Variants in ASAH2 observed in about 807,000 individuals in gnomAD.
The protein encoded by ASAH2 is N-acylsphingosine amidohydrolase 2, also known as neutral ceramidase.
In ASAH2, 58 loss-of-function variants were observed where a neutral mutation model predicts 82.9. The ratio of observed to expected loss-of-function variants is 0.70; its 90% CI spans 0.57 to 0.87. The LOEUF is 0.87. Ranked by LOEUF, ASAH2 falls within the 40% of genes least tolerant of loss-of-function variation. The pLI is 0.00. For missense variants in ASAH2, 779 were observed against 834.0 expected (o/e 0.93, Z 0.81); for synonymous variants, 276 against 289.7 (o/e 0.95, Z 0.48).
At chr10:50,244,504 T>G (rs1057179287) in intron 3 of ASAH2, among the ~76,000 whole-genome samples, 1 of 152,152 alleles carries the variant, frequency 6.6e-6, no homozygotes, top group African/African-American at 2.4e-5. Context: ...AAAGATTACT[T>G]GGAGGGAGGG....
intron 8 of ASAH2, 38 bp downstream of exon 8, chr10:50,218,472 T>G (rs1845666107): frequency 2.5e-6 from 4 of 1,613,438 alleles, no homozygotes; most frequent in Non-Finnish European, 3.4e-6. Context: ...TGACACTCAG[T>G]GAATCAAGAT....
chr10:50,200,755 G>A (rs1047284646), intron 16 of ASAH2, among the ~76,000 whole-genome samples: 13 of 152,008 alleles, frequency 8.6e-5, no homozygotes, highest in Admixed American at 8.5e-4. Context: ...CATATCTGTT[G>A]AATGAATGAA....
intron 8 of ASAH2, among the ~76,000 whole-genome samples, chr10:50,216,036 T>A (rs1245794862): frequency 1.3e-5 from 2 of 151,882 alleles, no homozygotes; most frequent in Admixed American, 1.3e-4. Context: ...CTGGAAACCA[T>A]CATTCTCAGC....
chr10:50,222,350 C>A (rs1845772816), intron 7 of ASAH2, among the ~76,000 whole-genome samples: 1 of 152,214 alleles, frequency 6.6e-6, no homozygotes, highest in Non-Finnish European at 1.5e-5. Context: ...GCAATCATGG[C>A]TCACTTCAGC....
intron 8 of ASAH2, 45 bp from the exon 9 acceptor site, chr10:50,214,913 C>T: frequency 6.2e-7 from 1 of 1,609,366 alleles, no homozygotes; most frequent in Non-Finnish European, 8.5e-7. Context: ...TTCCTATTTC[C>T]TGTAATGAAT....
At chr10:50,228,113 CAGG>C (rs1382771226) in intron 7 of ASAH2, among the ~76,000 whole-genome samples, 2 of 152,218 alleles carry the variant, frequency 1.3e-5, no homozygotes, top group African/African-American at 4.8e-5. Context: ...CCCTTGAGGC[CAGG>C]AGTTCAACAC....
chr10:50,229,610 C>A (rs1301761625), intron 7 of ASAH2, among the ~76,000 whole-genome samples: 2 of 152,144 alleles, frequency 1.3e-5, no homozygotes, highest in Admixed American at 6.6e-5. Context: ...AAAACAAATT[C>A]TTTGTCATGC....
At chr10:50,210,298 C>T (rs1845418256) in intron 12 of ASAH2, among the ~76,000 whole-genome samples, 1 of 151,934 alleles carries the variant, frequency 6.6e-6, no homozygotes, top group African/African-American at 2.4e-5. Context: ...GTCAGGAATT[C>T]CAGACCACCA....
At position 50,248,497 on chromosome 10, in the gene ASAH2, A is replaced by T. The variant is rs1332408472; in HGVS notation, c.114T>A (p.Ile38=). 1 of 1,613,598 alleles carries T rather than the reference A, an allele frequency of 6.2e-7. No individual in the cohort carries two copies. The highest frequency in any genetic ancestry group is 8.5e-7 in the Non-Finnish European group (1 of 1,179,718). The change falls in exon 2 of 21, where the codon ATT becomes ATA. Residue 38 remains isoleucine, a synonymous_variant. Coordinates refer to ENST00000682911, the MANE Select transcript of ASAH2 (RefSeq NM_019893.4). ...LSLLFITSGT[I]ENHKDLGGHF... The stretch of plus-strand genomic sequence containing the variant: ...CATGACACTTGCCTTTGTGGTTTTC[A>T]ATGGTCCCACTGGTGATAAACAAGA...
intron 12 of ASAH2, among the ~76,000 whole-genome samples, chr10:50,210,389 A>G (rs1845420735): frequency 6.6e-6 from 1 of 152,046 alleles, no homozygotes; most frequent in African/African-American, 2.4e-5. Context: ...AGTCTCAGCT[A>G]CTTGGGAGGC....
intron 14 of ASAH2, among the ~76,000 whole-genome samples, chr10:50,204,073 G>C (rs893021203): frequency 6.6e-6 from 1 of 152,016 alleles, no homozygotes; most frequent in African/African-American, 2.4e-5. Flanking sequence ...GTAAAGGGGA[G>C]AGAGGTAAGA....
At chr10:50,242,813 C>T (rs1222391440) in intron 4 of ASAH2, among the ~76,000 whole-genome samples, 1 of 152,176 alleles carries the variant, frequency 6.6e-6, no homozygotes, top group African/African-American at 2.4e-5. Flanking sequence ...CGATTCCTCA[C>T]ATGTATTCTC....
chr10:50,226,642 A>G (rs1374676508), intron 7 of ASAH2, among the ~76,000 whole-genome samples: 3 of 152,128 alleles, frequency 2.0e-5, no homozygotes, highest in Admixed American at 2.0e-4. Context: ...TATTGGAAGA[A>G]GGTGCATATA....
chr10:50,229,566 C>T (rs1845975743), intron 7 of ASAH2, among the ~76,000 whole-genome samples: 1 of 152,156 alleles, frequency 6.6e-6, no homozygotes, highest in African/African-American at 2.4e-5. Context: ...AAGTTTGAAA[C>T]ACTTTAATGA....
At chr10:50,237,396 C>T (rs1417564900) in intron 4 of ASAH2, among the ~76,000 whole-genome samples, 8 of 152,188 alleles carry the variant, frequency 5.3e-5, no homozygotes, top group South Asian at 4.1e-4. Context: ...CAGAAAACTG[C>T]GGCCCTAGCC....
At position 50,200,792 on chromosome 10, in the gene ASAH2, T is replaced by C. The variant is rs1039835588; in HGVS notation, c.1762-1646A>G. On this transcript the variant is annotated intron_variant, in intron 16 of 20. Coordinates refer to ENST00000682911, the MANE Select transcript of ASAH2 (RefSeq NM_019893.4). ...TAATTAATAGTAATACTTGCTGGAG[T>C]ATATCCCTGTGATATGGACAGGAGA... Among the ~76,000 whole-genome samples, 429 of 152,164 alleles carry C rather than the reference T, an allele frequency of 2.8e-3. 2 individuals carry two copies. Among genetic ancestry groups the C allele is most frequent in the African/African-American group, 9.8e-3 (409 of 41,532 alleles).
At chr10:50,244,507 A>G (rs1262841460) in intron 3 of ASAH2, among the ~76,000 whole-genome samples, 1 of 152,196 alleles carries the variant, frequency 6.6e-6, no homozygotes, top group East Asian at 1.9e-4. Context: ...GATTACTTGG[A>G]GGGAGGGAGT....
intron 7 of ASAH2, among the ~76,000 whole-genome samples, chr10:50,232,483 T>C (rs1397948846): frequency 6.6e-6 from 1 of 152,102 alleles, no homozygotes. Context: ...CATTTGCAAG[T>C]CCATAGGTCA....
At chr10:50,197,676 G>T (rs1393243167) in intron 17 of ASAH2, among the ~76,000 whole-genome samples, 2 of 151,720 alleles carry the variant, frequency 1.3e-5, no homozygotes, top group African/African-American at 4.8e-5. Flanking sequence ...ATATTCAGTG[G>T]TTTTTTTCAA....
Sources: gnomAD v4.1 joint callset for allele counts (sites outside exome capture counted in the v4.1 genomes callset) on GRCh38, gnomAD v4.1.1 for gene constraint, MANE v1.5 for transcripts, NCBI Gene and HGNC (gene_info 2026-07-23, HGNC 2026-07-21) for gene names.